The following SLC2A13 variants were observed in gnomAD, a reference collection of about 807,000 sequenced individuals.
SLC2A13 encodes the protein proton myo-inositol cotransporter.
Under a neutral mutation model 64.4 loss-of-function variants are expected in SLC2A13, and 32 were observed. The ratio of observed to expected loss-of-function variants is 0.50; its 90% CI spans 0.37 to 0.67. The LOEUF is 0.67. SLC2A13 is among the 30% of genes least tolerant of loss of function. The pLI, the probability that SLC2A13 is intolerant of heterozygous loss-of-function variation, is 0.00. For missense variants in SLC2A13, 743 were observed against 829.2 expected (o/e 0.90, Z 1.28); for synonymous variants, 338 against 327.1 (o/e 1.03, Z -0.36).
chr12:40,087,317 T>C (rs1434117859), intron 1 of SLC2A13, among the ~76,000 whole-genome samples: 2 of 152,226 alleles, frequency 1.3e-5, no homozygotes, highest in East Asian at 3.8e-4. Flanking sequence ...CTAAATCTCT[T>C]AGTCTTTCTC....
At chr12:39,865,007 G>T in intron 5 of SLC2A13, 125 bp from the exon 6 acceptor site, 1 of 839,434 alleles carries the variant, frequency 1.2e-6, no homozygotes, top group Non-Finnish European at 1.7e-6. Context: ...AAAATACCGT[G>T]CTCTATCTTC....
intron 6 of SLC2A13, among the ~76,000 whole-genome samples, chr12:39,845,694 T>A (rs1050480931): frequency 6.6e-6 from 1 of 152,154 alleles, no homozygotes; most frequent in Non-Finnish European, 1.5e-5. Flanking sequence ...GATAGCATCA[T>A]GTCCTCTGAT....
At chr12:39,970,245 C>T (rs536865610) in intron 3 of SLC2A13, among the ~76,000 whole-genome samples, 47 of 152,268 alleles carry the variant, frequency 3.1e-4, no homozygotes, top group African/African-American at 1.0e-3. Context: ...ATGCCTCCAG[C>T]TTTGTTCTTT....
At chr12:39,895,785 CGTACACACATGTATATGCGT>C in intron 4 of SLC2A13, among the ~76,000 whole-genome samples, 141 of 9,920 alleles carry the variant, frequency 0.014, 56 homozygotes, top group Non-Finnish European at 0.03. Flanking sequence ...TGCGTGTATA[CGTACACACATGTATATGCGT>C]GTATACGTAC....
intron 9 of SLC2A13, among the ~76,000 whole-genome samples, chr12:39,761,312 G>C (rs1940138536): frequency 2.6e-5 from 4 of 151,960 alleles, no homozygotes; most frequent in Admixed American, 2.0e-4. Context: ...AAATCTTACA[G>C]CCAAAATCAG....
At chr12:39,952,302 A>G (rs1946245364) in intron 3 of SLC2A13, among the ~76,000 whole-genome samples, 2 of 152,132 alleles carry the variant, frequency 1.3e-5, no homozygotes, top group Non-Finnish European at 2.9e-5. Context: ...CCCAGGACCT[A>G]TGGTATTCCC....
At chr12:40,074,222 T>C (rs1241526631) in intron 1 of SLC2A13, among the ~76,000 whole-genome samples, 6 of 150,468 alleles carry the variant, frequency 4.0e-5, no homozygotes, top group African/African-American at 1.2e-4. Flanking sequence ...CTAGAGGACA[T>C]GGGTGTGATC....
rs1174505693 is a variant in SLC2A13 at position 40,021,275 on chromosome 12, A to T, written c.925+7026T>A. Among the ~76,000 whole-genome samples, 9 of 152,326 alleles carry T rather than the reference A, an allele frequency of 5.9e-5. 1 individual carries two copies. The highest frequency in any genetic ancestry group is 5.9e-4 in the Admixed American group (9 of 15,304). On this transcript the variant is annotated intron_variant, in intron 3 of 9. Transcript: ENST00000280871. ...ATATAACAACAGAACAGTCAATGAC[A>T]TTTTAATGTAAAATCCAAGAATGAT...
intron 7 of SLC2A13, among the ~76,000 whole-genome samples, chr12:39,811,211 G>A (rs1343243585): frequency 5.9e-5 from 9 of 152,004 alleles, no homozygotes; most frequent in African/African-American, 2.2e-4. Flanking sequence ...CTCCCTAAAC[G>A]AGTCCAGCTA....
chr12:39,785,374 T>A (rs1941148928), intron 7 of SLC2A13, among the ~76,000 whole-genome samples: 1 of 152,122 alleles, frequency 6.6e-6, no homozygotes, highest in South Asian at 2.1e-4. Context: ...CCATGTGGCG[T>A]TGAGCCTGTG....
At chr12:39,878,076 C>G (rs568747818) in intron 4 of SLC2A13, among the ~76,000 whole-genome samples, 7 of 152,290 alleles carry the variant, frequency 4.6e-5, no homozygotes, top group African/African-American at 1.4e-4. Flanking sequence ...CTTCCTAAGG[C>G]CTCCCAAGAA....
intron 9 of SLC2A13, 121 bp from the exon 10 acceptor site, chr12:39,760,373 G>T (rs1940089867): frequency 1.3e-6 from 1 of 788,218 alleles, no homozygotes; most frequent in Non-Finnish European, 2.0e-6. Flanking sequence ...GTATGAAATG[G>T]ACCAAAAAAT....
chr12:39,870,935 G>A lies in SLC2A13; in HGVS notation c.1198+863C>T, dbSNP rs553675718. Among the ~76,000 whole-genome samples, 10 of 152,224 alleles carry A rather than the reference G, an allele frequency of 6.6e-5. No individual in the cohort carries two copies. The East Asian group carries it at 1.3e-3, about 21-fold the overall frequency. On this transcript the variant is annotated intron_variant, in intron 5 of 9. Transcript: ENST00000280871. ...ACAGTTCTATTAGATCAATGTTTTCGATACAATTTGGTTAAAATAGAATTT... is the reference window on the plus strand; with the variant it reads ...ACAGTTCTATTAGATCAATGTTTTCAATACAATTTGGTTAAAATAGAATTT...
At chr12:39,766,294 C>T (rs550601780) in intron 7 of SLC2A13, among the ~76,000 whole-genome samples, 2 of 152,038 alleles carry the variant, frequency 1.3e-5, no homozygotes, top group African/African-American at 2.4e-5. Flanking sequence ...GTGGGTCACA[C>T]GGATTTTTTG....
chr12:40,051,350 G>A (rs1017886216), intron 1 of SLC2A13, among the ~76,000 whole-genome samples: 1 of 152,176 alleles, frequency 6.6e-6, no homozygotes, highest in African/African-American at 2.4e-5. Flanking sequence ...GTGCAGATAA[G>A]ATGGGAGAGA....
intron 1 of SLC2A13, among the ~76,000 whole-genome samples, chr12:40,074,469 A>G (rs1211278546): frequency 2.0e-5 from 3 of 152,034 alleles, no homozygotes; most frequent in Non-Finnish European, 2.9e-5. Context: ...ACCCAGCCCC[A>G]TATTCTTCAT....
chr12:39,973,056 A>G (rs1946694020), intron 3 of SLC2A13, among the ~76,000 whole-genome samples: 1 of 152,128 alleles, frequency 6.6e-6, no homozygotes, highest in Non-Finnish European at 1.5e-5. Context: ...AACAAGAGCA[A>G]AACTCCATCT....
In SLC2A13 at chr12:39,815,611, C is replaced by A. The variant is rs188928082; in HGVS notation, c.1445+14492G>T. Among the ~76,000 whole-genome samples, 121 of 152,156 alleles carry A rather than the reference C, an allele frequency of 8.0e-4. No homozygotes were observed. The East Asian group carries it at 8.5e-3, about 11-fold the overall frequency. ...TTCTAGTTTGGGGGACGGTAAGAGGCGAACGGGGATAAAAATAACCATAAT... is the reference window on the plus strand; with the variant it reads ...TTCTAGTTTGGGGGACGGTAAGAGGAGAACGGGGATAAAAATAACCATAAT... On this transcript the variant is annotated intron_variant, in intron 7 of 9. Coordinates refer to ENST00000280871, the MANE Select transcript of SLC2A13 (RefSeq NM_052885.4).
At chr12:40,064,585 G>A (rs568471828) in intron 1 of SLC2A13, among the ~76,000 whole-genome samples, 92 of 152,184 alleles carry the variant, frequency 6.0e-4, no homozygotes, top group East Asian at 4.1e-3. Context: ...GTGTTCTCCT[G>A]CCTTCTTAAA....
Sources: gnomAD v4.1 joint callset for allele counts (sites outside exome capture counted in the v4.1 genomes callset) on GRCh38, gnomAD v4.1.1 for gene constraint, MANE v1.5 for transcripts, NCBI Gene and HGNC (gene_info 2026-07-23, HGNC 2026-07-21) for gene names.